The following PTPN3 variants were observed in gnomAD, a reference collection of about 807,000 sequenced individuals.
PTPN3 encodes the protein tyrosine-protein phosphatase non-receptor type 3.
A neutral mutation model predicts 132.7 loss-of-function variants in PTPN3; 96 were observed. The ratio of observed to expected loss-of-function variants is 0.72; its 90% CI spans 0.61 to 0.86. PTPN3 has a LOEUF of 0.86. Ranked by LOEUF, PTPN3 falls within the 40% of genes least tolerant of loss-of-function variation. The pLI is 0.00. For synonymous variants in PTPN3, 398 were observed against 429.0 expected, an observed-to-expected ratio of 0.93 and a Z score of 0.89; for missense variants, 1,125 against 1,159.6, an observed-to-expected ratio of 0.97 and a Z score of 0.43.
intron 19 of PTPN3, among the ~76,000 whole-genome samples, chr9:109,394,953 C>T (rs568829856): frequency 3.3e-5 from 5 of 152,038 alleles, no homozygotes; most frequent in Non-Finnish European, 7.4e-5. Context: ...TCCAGGCTAA[C>T]ATGGTGAAAC....
chr9:109,486,171 C>A (rs1541088), intron 1 of PTPN3, among the ~76,000 whole-genome samples: 49,889 of 152,038 alleles, frequency 0.33, 8,631 homozygotes, highest in East Asian at 0.61. Flanking sequence ...AGGCAGAGTA[C>A]AGGACCCAGC....
Position 109,412,942 on chromosome 9 carries a change from A to ATTTTT in PTPN3, c.1314-2532_1314-2528dup, listed in dbSNP as rs34903384. ...TCCAAGTCATTTTATGCCCTAACCTATTTTTTTTTTTTTTTGAGACAGAGT... is the reference window on the plus strand; with the variant it reads ...TCCAAGTCATTTTATGCCCTAACCTATTTTTTTTTTTTTTTTTTTTGAGACAGAGT... On this transcript the variant is annotated intron_variant, in intron 14 of 25. Transcript: ENST00000374541. Among the ~76,000 whole-genome samples, 13 of 140,018 alleles carry ATTTTT rather than the reference A, an allele frequency of 9.3e-5. 1 individual carries two copies. Among genetic ancestry groups the ATTTTT allele is most frequent in the East Asian group, 2.1e-4 (1 of 4,796 alleles). 91.9% of individuals were successfully genotyped at this position (140,018 alleles called of 152,430 possible).
intron 21 of PTPN3, 108 bp from the exon 22 acceptor site, chr9:109,389,487 A>G: frequency 1.7e-6 from 2 of 1,161,054 alleles, no homozygotes; most frequent in Non-Finnish European, 2.4e-6. Context: ...CAGAAAAATT[A>G]TCTCTTTATC....
chr9:109,402,496 C>G (rs1232742988), intron 19 of PTPN3, among the ~76,000 whole-genome samples: 2 of 151,986 alleles, frequency 1.3e-5, no homozygotes, highest in Non-Finnish European at 2.9e-5. Context: ...CCAGGCTGGT[C>G]TTGAACTCCT....
At chr9:109,402,280 C>A (rs540777610) in intron 19 of PTPN3, among the ~76,000 whole-genome samples, 12,689 of 151,744 alleles carry the variant, frequency 0.084, 737 homozygotes, top group Non-Finnish European at 0.12. Flanking sequence ...ATAACCTCTA[C>A]ATTTCCTTTT....
At position 109,379,393 on chromosome 9, in the gene PTPN3, T is replaced by C. The variant is rs1838833572; in HGVS notation, c.*163A>G. On this transcript the variant is annotated 3_prime_UTR_variant, in exon 26 of 26. Transcript: ENST00000374541. ...GCATGCTTATCTACACCAGTTCCTA[T>C]GTACACGATATCTTTTCTATAGAAG... 1 of 619,174 alleles carries C rather than the reference T, an allele frequency of 1.6e-6. No homozygotes were observed. The highest frequency in any genetic ancestry group is 2.7e-5 in the East Asian group (1 of 36,488). 38.4% of individuals were successfully genotyped at this position (619,174 alleles called of 1,614,324 possible).
At chr9:109,454,043 T>C (rs1050503524) in intron 5 of PTPN3, among the ~76,000 whole-genome samples, 1 of 152,146 alleles carries the variant, frequency 6.6e-6, no homozygotes, top group Admixed American at 6.5e-5. Flanking sequence ...AAAATTCTTA[T>C]AACAAGAGAT....
intron 1 of PTPN3, among the ~76,000 whole-genome samples, chr9:109,471,417 T>C (rs1846373536): frequency 6.6e-6 from 1 of 152,202 alleles, no homozygotes; most frequent in Admixed American, 6.5e-5. Context: ...CACCAGGCTT[T>C]TCTCTGAACC....
the PTPN3 span, chr9:109,533,884 TG>T: frequency 1.3e-6 from 1 of 762,862 alleles, no homozygotes. Context: ...CCCTACGACG[TG>T]GATAGCATCT....
intron 2 of PTPN3, among the ~76,000 whole-genome samples, chr9:109,461,089 G>C (rs1160360174): frequency 6.6e-6 from 1 of 152,170 alleles, no homozygotes; most frequent in Admixed American, 6.5e-5. Flanking sequence ...GACCTTCATG[G>C]AGCTTGTGTA....
chr9:109,507,266 T>A, the PTPN3 span, among the ~76,000 whole-genome samples: 2 of 152,236 alleles, frequency 1.3e-5, no homozygotes, highest in Non-Finnish European at 2.9e-5. Flanking sequence ...ATACAGGTGG[T>A]AACAGAATGG....
chr9:109,428,774 T>C lies in PTPN3; in HGVS notation c.765-90A>G, dbSNP rs1588408843. The C allele has an allele frequency of 2.7e-6, 4 of 1,493,850 alleles. No homozygotes were observed. The East Asian group carries it at 7.3e-5, about 27-fold the overall frequency. 92.5% of individuals were successfully genotyped at this position (1,493,850 alleles called of 1,614,324 possible). A position where few individuals can be genotyped will look rare whatever the true frequency, so the allele number is the denominator to read the frequency against. ...CTCTCAATGCATGTCCTTTACTCCA[T>C]GATCCTGATGAGTGGGGGCTCTTGG... On this transcript the variant is annotated intron_variant, in intron 10 of 25. Coordinates refer to ENST00000374541, the MANE Select transcript of PTPN3 (RefSeq NM_002829.4).
chr9:109,420,305 G>T, intron 14 of PTPN3, 119 bp downstream of exon 14: 2 of 1,052,340 alleles, frequency 1.9e-6, no homozygotes, highest in Non-Finnish European at 2.7e-6. Context: ...GAAGGCACCT[G>T]TGGGAGCTGG....
intron 19 of PTPN3, among the ~76,000 whole-genome samples, chr9:109,395,988 C>G (rs1461194435): frequency 1.3e-5 from 2 of 151,682 alleles, no homozygotes; most frequent in African/African-American, 4.8e-5. Flanking sequence ...TCCCGTGTAG[C>G]TGGAATCTGT....
intron 12 of PTPN3, among the ~76,000 whole-genome samples, chr9:109,426,013 CAAA>C (rs71372567): frequency 3.9e-5 from 2 of 51,174 alleles, no homozygotes; most frequent in Admixed American, 2.2e-4. Flanking sequence ...GACTCCATCT[CAAA>C]AAAAAAAAAA....
chr9:109,406,629 G>A lies in PTPN3; in HGVS notation c.1636-11C>T. ...AATGCAGGTGTCCGCCTGGGTGGTG[G>A]GGAAAAGCGAGTTTCTCCTGTTACC... On this transcript the variant is annotated splice_polypyrimidine_tract_variant and intron_variant, in intron 17 of 25. Transcript: ENST00000374541. 1 of 1,613,576 alleles carries A rather than the reference G, an allele frequency of 6.2e-7. No homozygotes were observed. Among genetic ancestry groups the A allele is most frequent in the Non-Finnish European group, 8.5e-7 (1 of 1,179,556 alleles).
rs562316056 is a variant in PTPN3 at position 109,415,948 on chromosome 9, AG to A, written c.1313+4475del. Among the ~76,000 whole-genome samples, 56 of 152,336 alleles carry A rather than the reference AG, an allele frequency of 3.7e-4. 1 individual carries two copies. The East Asian group carries it at 0.011, about 29-fold the overall frequency. ...GACTCAAACAAGAAGGCAAGGTTCA[AG>A]GAAAAGGGACACAAACACTCTGAAC... On this transcript the variant is annotated intron_variant, in intron 14 of 25. Coordinates refer to ENST00000374541, the MANE Select transcript of PTPN3 (RefSeq NM_002829.4).
intron 19 of PTPN3, among the ~76,000 whole-genome samples, chr9:109,398,134 C>A (rs1840752908): frequency 6.6e-6 from 1 of 152,138 alleles, no homozygotes; most frequent in Non-Finnish European, 1.5e-5. Context: ...ATTAGCTGGG[C>A]ATGGTGGCGC....
At chr9:109,479,840 G>A (rs1253852741) in intron 1 of PTPN3, among the ~76,000 whole-genome samples, 4 of 152,256 alleles carry the variant, frequency 2.6e-5, no homozygotes, top group Admixed American at 1.3e-4. Flanking sequence ...AAAGTGCTGG[G>A]ATTACAGGCC....
Sources: allele counts gnomAD v4.1 joint callset (sites outside exome capture counted in the v4.1 genomes callset), GRCh38; gene constraint gnomAD v4.1.1; transcripts MANE v1.5; gene names NCBI Gene and HGNC (gene_info 2026-07-23, HGNC 2026-07-21).